The following AGBL4 variants were observed in gnomAD, a reference collection of about 807,000 sequenced individuals.
AGBL4 encodes the protein AGBL carboxypeptidase 4.
In AGBL4, 58 loss-of-function variants were observed where a neutral mutation model predicts 66.4. The observed-to-expected ratio is 0.87, with a 90% confidence interval of 0.71 to 1.09. The LOEUF (loss-of-function observed/expected upper bound fraction) is 1.09, where lower values mean the gene tolerates loss of function less well. Ranked by LOEUF, AGBL4 falls within the 50% of genes least tolerant of loss-of-function variation. The probability of loss-of-function intolerance (pLI) is 0.00; values close to 1 mark genes in which losing one functional copy is unlikely to be tolerated. For synonymous variants in AGBL4, 234 were observed against 222.9 expected (o/e 1.05, Z -0.44); for missense variants, 579 against 631.0 (o/e 0.92, Z 0.88).
At chr1:49,881,187 T>A (rs1365916237) in intron 1 of AGBL4, among the ~76,000 whole-genome samples, 2 of 152,138 alleles carry the variant, frequency 1.3e-5, no homozygotes, top group Non-Finnish European at 2.9e-5. Context: ...TGATTTCCAA[T>A]TTCATCTATG....
At chr1:48,915,955 G>A (rs1653549992) in intron 5 of AGBL4, among the ~76,000 whole-genome samples, 1 of 152,188 alleles carries the variant, frequency 6.6e-6, no homozygotes, top group South Asian at 2.1e-4. Flanking sequence ...CAGAAGTATA[G>A]TGCATGGTCA....
chr1:48,566,418 ACTT>A (rs1183640207), intron 11 of AGBL4, among the ~76,000 whole-genome samples: 1 of 152,238 alleles, frequency 6.6e-6, no homozygotes, highest in Admixed American at 6.5e-5. Context: ...CACTTCAAAT[ACTT>A]CTTCTCTTGT....
At chr1:48,725,609 A>G (rs1647225811) in intron 6 of AGBL4, among the ~76,000 whole-genome samples, 1 of 152,172 alleles carries the variant, frequency 6.6e-6, no homozygotes, top group Non-Finnish European at 1.5e-5. Flanking sequence ...TTTTCCACTC[A>G]TCTTTCAGGG....
At chr1:49,823,546 G>GA in intron 2 of AGBL4, among the ~76,000 whole-genome samples, 1 of 152,292 alleles carries the variant, frequency 6.6e-6, no homozygotes, top group South Asian at 2.1e-4. Context: ...CAGCAGGTTT[G>GA]AAAAATCAGC....
At chr1:49,042,241 G>A (rs994698197) in intron 5 of AGBL4, among the ~76,000 whole-genome samples, 6 of 151,910 alleles carry the variant, frequency 3.9e-5, no homozygotes, top group African/African-American at 9.7e-5. Flanking sequence ...GGAATTCCTC[G>A]AGGATAATTT....
At position 49,707,367 on chromosome 1, in the gene AGBL4, CTT is replaced by C. The variant is rs34368394; in HGVS notation, c.158-9932_158-9931del. On this transcript the variant is annotated intron_variant, in intron 2 of 13. Transcript: ENST00000371839. ...TCAGAGACTAGGATTGCAACCCCTGCTTTTTTTTTTTTTTTTTTTTTGCTTAT... is the reference window on the plus strand; with the variant it reads ...TCAGAGACTAGGATTGCAACCCCTGCTTTTTTTTTTTTTTTTTTTGCTTAT... Among the ~76,000 whole-genome samples, 579 of 76,226 alleles carry C rather than the reference CTT, an allele frequency of 7.6e-3. 1 individual carries two copies. Among genetic ancestry groups the C allele is most frequent in the African/African-American group, 0.021 (411 of 19,790 alleles). 50.0% of individuals were successfully genotyped at this position (76,226 alleles called of 152,430 possible). A position where few individuals can be genotyped will look rare whatever the true frequency, so the allele number is the denominator to read the frequency against.
At chr1:49,958,603 C>G (rs1485928449) in intron 1 of AGBL4, among the ~76,000 whole-genome samples, 1 of 148,718 alleles carries the variant, frequency 6.7e-6, no homozygotes, top group African/African-American at 2.5e-5. Flanking sequence ...GAGAGAAGAC[C>G]AAATACCACA....
intron 1 of AGBL4, among the ~76,000 whole-genome samples, chr1:49,938,358 C>T (rs1324048596): frequency 1.8e-4 from 28 of 152,248 alleles, no homozygotes; most frequent in African/African-American, 6.7e-4. Flanking sequence ...TAATCAATAG[C>T]TTACCAACCA....
rs548202988 is a variant in AGBL4, at chr1:49,560,809, C to T, written c.282+136504G>A. Among the ~76,000 whole-genome samples the T allele has an allele frequency of 3.9e-5, 6 of 152,010 alleles. No individual in the cohort carries two copies. In the East Asian group the frequency reaches 9.7e-4, roughly 24 times the overall value. On this transcript the variant is annotated intron_variant, in intron 3 of 13. Coordinates refer to ENST00000371839, the MANE Select transcript of AGBL4 (RefSeq NM_032785.4). ...AACTAGGAGAGACTCGAATGATTTACCTAAAGTCCTAAAGGAAAAAATCTT... is the reference window on the plus strand; with the variant it reads ...AACTAGGAGAGACTCGAATGATTTATCTAAAGTCCTAAAGGAAAAAATCTT...
intron 6 of AGBL4, among the ~76,000 whole-genome samples, chr1:48,693,184 C>T (rs1202285823): frequency 1.3e-5 from 2 of 152,200 alleles, no homozygotes; most frequent in Non-Finnish European, 2.9e-5. Flanking sequence ...GCTTAATCTC[C>T]TCAGCAAGTC....
At chr1:48,586,568 T>G in intron 11 of AGBL4, 1 of 182,732 alleles carries the variant, frequency 5.5e-6, no homozygotes, top group Non-Finnish European at 1.1e-5. Context: ...AGAGGATAGG[T>G]TAGACAAAAG....
chr1:48,941,202 C>T (rs1008324121), intron 5 of AGBL4, among the ~76,000 whole-genome samples: 1 of 152,170 alleles, frequency 6.6e-6, no homozygotes, highest in Admixed American at 6.5e-5. Context: ...GCATATGACC[C>T]AGATTAATAG....
intron 3 of AGBL4, among the ~76,000 whole-genome samples, chr1:49,392,691 CTG>C (rs1169076916): frequency 1.7e-5 from 2 of 118,578 alleles, no homozygotes; most frequent in African/African-American, 7.2e-5. Flanking sequence ...CAATTTTCAA[CTG>C]TGTATACACA....
chr1:49,594,087 G>A (rs1335908812), intron 3 of AGBL4, among the ~76,000 whole-genome samples: 1 of 151,974 alleles, frequency 6.6e-6, no homozygotes, highest in Non-Finnish European at 1.5e-5. Flanking sequence ...TGAAAATTCG[G>A]CTCTTTATAT....
intron 2 of AGBL4, among the ~76,000 whole-genome samples, chr1:49,745,634 G>A (rs960956792): frequency 1.3e-5 from 2 of 151,822 alleles, no homozygotes; most frequent in Non-Finnish European, 1.5e-5. Flanking sequence ...GGACATTTAT[G>A]ATGTCAATCC....
At chr1:49,429,863 T>TG (rs1312240162) in intron 3 of AGBL4, among the ~76,000 whole-genome samples, 1 of 151,792 alleles carries the variant, frequency 6.6e-6, no homozygotes, top group Non-Finnish European at 1.5e-5. Context: ...TTTTTTTTTT[T>TG]TTTGAGACAG....
At chr1:49,430,825 C>T (rs1159035800) in intron 3 of AGBL4, among the ~76,000 whole-genome samples, 1 of 152,172 alleles carries the variant, frequency 6.6e-6, no homozygotes, top group Non-Finnish European at 1.5e-5. Flanking sequence ...AACCAATGCC[C>T]TCACTTCTAA....
intron 11 of AGBL4, among the ~76,000 whole-genome samples, chr1:48,552,613 G>T (rs1644265306): frequency 6.6e-6 from 1 of 152,164 alleles, no homozygotes; most frequent in Non-Finnish European, 1.5e-5. Context: ...TCTCCCACTA[G>T]ATGTCAGCAG....
chr1:49,486,348 A>C (rs1285474858), intron 3 of AGBL4, among the ~76,000 whole-genome samples: 1 of 152,014 alleles, frequency 6.6e-6, no homozygotes, highest in Non-Finnish European at 1.5e-5. Context: ...TTCACCTATC[A>C]TTAGAACCAG....
Sources: allele counts gnomAD v4.1 joint callset (sites outside exome capture counted in the v4.1 genomes callset), GRCh38; gene constraint gnomAD v4.1.1; transcripts MANE v1.5; gene names NCBI Gene and HGNC (gene_info 2026-07-23, HGNC 2026-07-21).